The following WDR7 variants were observed in gnomAD, a reference collection of about 807,000 sequenced individuals.
WDR7 encodes the protein WD repeat domain 7, also known as WD repeat-containing protein 7.
In WDR7, 46 loss-of-function variants were observed where a neutral mutation model predicts 169.4. The ratio of observed to expected loss-of-function variants is 0.27; its 90% CI spans 0.21 to 0.35. WDR7 has a LOEUF of 0.35. Among genes scored for constraint, WDR7 ranks in the 10% least tolerant of loss-of-function variants. The probability of loss-of-function intolerance (pLI) is 1.00; values close to 1 mark genes in which losing one functional copy is unlikely to be tolerated. For synonymous variants in WDR7, 612 were observed against 666.8 expected (o/e 0.92, Z 1.27); for missense variants, 1,534 against 1,859.3 (o/e 0.83, Z 3.22).
At chr18:56,781,112 TTAAA>T (rs1191371940) in intron 18 of WDR7, among the ~76,000 whole-genome samples, 1 of 152,092 alleles carries the variant, frequency 6.6e-6, no homozygotes, top group Non-Finnish European at 1.5e-5. Flanking sequence ...TATAAAGAAA[TTAAA>T]TAGATAAGGT....
chr18:56,694,814 C>T (rs2025661776), intron 10 of WDR7, 54 bp downstream of exon 10: 2 of 1,546,036 alleles, frequency 1.3e-6, no homozygotes, highest in Non-Finnish European at 1.8e-6. Context: ...TCTTAAATAC[C>T]AACTACTGAA....
chr18:56,944,733 A>G (rs144080690), intron 25 of WDR7, among the ~76,000 whole-genome samples: 6 of 152,348 alleles, frequency 3.9e-5, no homozygotes, highest in Admixed American at 6.5e-5. Flanking sequence ...CATTCTTTCT[A>G]TATCACTGAC....
chr18:56,857,383 A>G (rs1289398529), intron 20 of WDR7, among the ~76,000 whole-genome samples: 2 of 151,878 alleles, frequency 1.3e-5, no homozygotes, highest in Non-Finnish European at 2.9e-5. Flanking sequence ...CTCAGCCTCC[A>G]GGGTAGCTGG....
chr18:57,016,644 C>T (rs1387943694), intron 26 of WDR7, among the ~76,000 whole-genome samples: 1 of 152,146 alleles, frequency 6.6e-6, no homozygotes, highest in African/African-American at 2.4e-5. Flanking sequence ...ATTTCTGGTT[C>T]CTTCTCTGTA....
chr18:56,793,664 G>A (rs1214562092), intron 19 of WDR7, among the ~76,000 whole-genome samples: 10 of 152,112 alleles, frequency 6.6e-5, no homozygotes, highest in Admixed American at 6.5e-4. Flanking sequence ...GGTTATACAT[G>A]CCCCATAGCC....
chr18:56,933,788 A>G (rs1055638847), intron 22 of WDR7, among the ~76,000 whole-genome samples: 5 of 152,224 alleles, frequency 3.3e-5, no homozygotes, highest in Non-Finnish European at 7.3e-5. Context: ...ACCTGTATCA[A>G]CCACTTCATA....
chr18:56,681,237 T>C, intron 3 of WDR7, 76 bp from the exon 4 acceptor site: 1 of 1,007,606 alleles, frequency 9.9e-7, no homozygotes, highest in Non-Finnish European at 1.5e-6. Context: ...GGAAGATTAA[T>C]TTTAAATCAC....
At chr18:56,927,656 T>A (rs1470367444) in intron 22 of WDR7, among the ~76,000 whole-genome samples, 1 of 152,148 alleles carries the variant, frequency 6.6e-6, no homozygotes, top group African/African-American at 2.4e-5. Context: ...ACCCCTTTAT[T>A]TTAGAAACAT....
intron 12 of WDR7, among the ~76,000 whole-genome samples, chr18:56,704,964 C>A (rs2025916213): frequency 6.6e-6 from 1 of 152,086 alleles, no homozygotes; most frequent in African/African-American, 2.4e-5. Context: ...AATCATAGGA[C>A]AATTTCAAAA....
chr18:56,911,929 T>C (rs2145602654), intron 21 of WDR7, among the ~76,000 whole-genome samples: 1 of 152,356 alleles, frequency 6.6e-6, no homozygotes, highest in East Asian at 1.9e-4. Context: ...TTTTTAATAA[T>C]ACTTTAATTC....
intron 21 of WDR7, among the ~76,000 whole-genome samples, chr18:56,923,214 T>C (rs1396551437): frequency 6.6e-6 from 1 of 152,242 alleles, no homozygotes; most frequent in East Asian, 1.9e-4. Flanking sequence ...AGATAAAGTT[T>C]TGTGGCTTAA....
chr18:56,682,420 T>C (rs2025367098), intron 4 of WDR7, among the ~76,000 whole-genome samples: 1 of 152,182 alleles, frequency 6.6e-6, no homozygotes, highest in Non-Finnish European at 1.5e-5. Context: ...CGAATTCTAT[T>C]TCAAAATAAT....
At chr18:56,954,627 T>C (rs148212319) in intron 25 of WDR7, among the ~76,000 whole-genome samples, 217 of 152,266 alleles carry the variant, frequency 1.4e-3, no homozygotes, top group African/African-American at 5.0e-3. Context: ...GAATTATTGG[T>C]AAAGAGTTAC....
chr18:56,745,416 G>C (rs569211762), intron 14 of WDR7, among the ~76,000 whole-genome samples: 4 of 152,282 alleles, frequency 2.6e-5, no homozygotes, highest in Middle Eastern at 6.8e-3. Flanking sequence ...TTGGCACCAG[G>C]GACTGGTTTC....
At chr18:57,022,671 A>G (rs1490966890) in intron 27 of WDR7, among the ~76,000 whole-genome samples, 2 of 152,120 alleles carry the variant, frequency 1.3e-5, no homozygotes, top group Non-Finnish European at 2.9e-5. Context: ...TTTTATTTGG[A>G]TATGCTCATC....
intron 1 of WDR7, among the ~76,000 whole-genome samples, chr18:56,655,419 G>GT (rs2024744993): frequency 6.6e-6 from 1 of 151,824 alleles, no homozygotes; most frequent in Admixed American, 6.6e-5. Flanking sequence ...GAGCCCAGGA[G>GT]TTTGAGACCA....
At chr18:56,929,415 T>C (rs1182510681) in intron 22 of WDR7, among the ~76,000 whole-genome samples, 2 of 152,284 alleles carry the variant, frequency 1.3e-5, no homozygotes, top group Non-Finnish European at 2.9e-5. Context: ...CCAAGTGATT[T>C]GCACACAATA....
At chr18:56,976,881 ACCAAC>A (rs2047573719) in intron 26 of WDR7, among the ~76,000 whole-genome samples, 1 of 152,312 alleles carries the variant, frequency 6.6e-6, no homozygotes, top group East Asian at 1.9e-4. Context: ...AAGGAAGGCA[ACCAAC>A]ATTTGCCTTC....
intron 21 of WDR7, among the ~76,000 whole-genome samples, chr18:56,908,813 C>T (rs1201838203): frequency 6.6e-6 from 1 of 152,178 alleles, no homozygotes; most frequent in Non-Finnish European, 1.5e-5. Context: ...TTCCCTCTTT[C>T]CTTCCCATCA....
Sources: gnomAD v4.1 joint callset for allele counts (sites outside exome capture counted in the v4.1 genomes callset) on GRCh38, gnomAD v4.1.1 for gene constraint, MANE v1.5 for transcripts, NCBI Gene and HGNC (gene_info 2026-07-23, HGNC 2026-07-21) for gene names.